The following MDGA1 variants were observed in gnomAD, a reference collection of about 807,000 sequenced individuals.
The protein encoded by MDGA1 is MAM domain containing glycosylphosphatidylinositol anchor 1, also known as MAM domain-containing glycosylphosphatidylinositol anchor protein 1.
A neutral mutation model predicts 101.5 loss-of-function variants in MDGA1; 54 were observed. The ratio of observed to expected loss-of-function variants is 0.53; its 90% confidence interval spans 0.43 to 0.67. The LOEUF (loss-of-function observed/expected upper bound fraction) is 0.67. MDGA1 is among the 30% of genes least tolerant of loss of function. MDGA1 has a pLI of 0.00. For missense variants in MDGA1, 1,083 were observed against 1,323.8 expected, an observed-to-expected ratio of 0.82 and a Z score of 2.82; for synonymous variants, 533 against 558.3, an observed-to-expected ratio of 0.95 and a Z score of 0.64.
At chr6:37,681,323 GC>G (rs879478854) in intron 1 of MDGA1, among the ~76,000 whole-genome samples, 1 of 152,040 alleles carries the variant, frequency 6.6e-6, no homozygotes, top group Non-Finnish European at 1.5e-5. Flanking sequence ...GCCTGCCCCT[GC>G]CCCCCCTCTT....
chr6:37,672,476 C>T (rs1298769568), intron 1 of MDGA1, among the ~76,000 whole-genome samples: 1 of 152,174 alleles, frequency 6.6e-6, no homozygotes, highest in Non-Finnish European at 1.5e-5. Context: ...ATGAAGAGGA[C>T]TGTTGCCCTC....
At chr6:37,693,298 T>G (rs1762352272) in intron 1 of MDGA1, among the ~76,000 whole-genome samples, 1 of 152,174 alleles carries the variant, frequency 6.6e-6, no homozygotes, top group Non-Finnish European at 1.5e-5. Context: ...CTTCCTGAAA[T>G]TCCTTCTCCG....
chr6:37,677,443 C>G (rs767754589), intron 1 of MDGA1, among the ~76,000 whole-genome samples: 5 of 152,158 alleles, frequency 3.3e-5, no homozygotes, highest in Admixed American at 1.3e-4. Context: ...TACCCAAATG[C>G]TCGGCAGCAG....
chr6:37,693,008 A>G (rs545739492), intron 1 of MDGA1, among the ~76,000 whole-genome samples: 1 of 152,338 alleles, frequency 6.6e-6, no homozygotes, highest in Non-Finnish European at 1.5e-5. Flanking sequence ...CACACTGGCT[A>G]AAGGGCCAAA....
rs755976577 is a variant in MDGA1 at position 37,650,091 on chromosome 6, G to A, written c.1609+18C>T. 1 of 1,611,176 alleles carries A rather than the reference G, an allele frequency of 6.2e-7. No homozygotes were observed. The highest frequency in any genetic ancestry group is 1.7e-5 in the Admixed American group (1 of 59,978). Reference sequence around the variant, plus strand: ...AAGGAAAGCTGGGAAGGTAGTCCGGGTGGCGTGGTGGACTCACACTGCACG... The same window carrying A: ...AAGGAAAGCTGGGAAGGTAGTCCGGATGGCGTGGTGGACTCACACTGCACG... On this transcript the variant is annotated intron_variant, in intron 8 of 16. Transcript: ENST00000434837.
chr6:37,678,799 G>GC (rs985668852), intron 1 of MDGA1, among the ~76,000 whole-genome samples: 2 of 131,690 alleles, frequency 1.5e-5, no homozygotes, highest in Admixed American at 1.6e-4. Context: ...CAGCCCGCCC[G>GC]CCCCCACCTC....
chr6:37,647,626 G>A (rs1378076801), intron 9 of MDGA1, among the ~76,000 whole-genome samples: 1 of 151,844 alleles, frequency 6.6e-6, no homozygotes, highest in South Asian at 2.1e-4. Flanking sequence ...AATTTAGGAA[G>A]ACACAGAAAA....
At position 37,697,118 on chromosome 6, in the gene MDGA1, C is replaced by T. The variant is rs1762439222; in HGVS notation, c.-307G>A. On this transcript the variant is annotated 5_prime_UTR_variant, in exon 1 of 17. Transcript: ENST00000434837. ...CCGGCCGCCGAGCCGCCCCGGGTAC[C>T]CAGGGCCGTCCGCGCGGGATGCTAG... is the stretch of plus-strand genomic sequence containing the variant. 3.7e-6 allele frequency: 1 copy of T among 268,140 alleles called. No individual in the cohort carries two copies. The highest frequency in any genetic ancestry group is 1.7e-4 in the South Asian group (1 of 5,960). 16.6% of individuals were successfully genotyped at this position (268,140 alleles called of 1,614,324 possible). A position where few individuals can be genotyped will look rare whatever the true frequency, so the allele number is the denominator to read the frequency against.
At position 37,696,454 on chromosome 6, in the gene MDGA1, G is replaced by C. The variant is rs531519780; in HGVS notation, c.67+291C>G. On this transcript the variant is annotated intron_variant, in intron 1 of 16. Transcript: ENST00000434837. The surrounding 1 kb of genome is among the most constrained non-coding windows in gnomAD (Gnocchi z 5.6). ...TAGACTGGGTCTGTCCGGGTCTCCC[G>C]AGCCGACCGGGTGCTCTCAAGGGTT... Among the ~76,000 whole-genome samples the C allele has an allele frequency of 6.6e-5, 10 of 152,300 alleles. No homozygotes were observed. In the East Asian group the frequency reaches 1.9e-3, roughly 29 times the overall value.
intron 2 of MDGA1, among the ~76,000 whole-genome samples, chr6:37,659,037 G>A (rs1761562640): frequency 6.6e-6 from 1 of 151,472 alleles, no homozygotes; most frequent in African/African-American, 2.4e-5. Context: ...CCAGCTGTCA[G>A]GTCCTGAGCC....
chr6:37,650,308 C>G lies in MDGA1; in HGVS notation c.1410G>C (p.Arg470=). The G allele has an allele frequency of 6.3e-7, 1 of 1,595,296 alleles. No individual in the cohort carries two copies. Among genetic ancestry groups the G allele is most frequent in the Non-Finnish European group, 8.5e-7 (1 of 1,173,216 alleles). Residue 470 remains arginine, a synonymous_variant, in exon 8 of 17, where the codon CGG becomes CGC. Transcript: ENST00000434837. ...CCACGCGGGACCAGAGCACTGGCGG[C>G]CGCGGCTTGCCCCGCACCTCGCATT... ...ELQCEVRGKP[R]PPVLWSRVDK... is the part of the protein sequence containing the mutation.
chr6:37,636,520 G>A lies in MDGA1; in HGVS notation c.*848C>T, dbSNP rs11752171. On this transcript the variant is annotated 3_prime_UTR_variant, in exon 17 of 17. Coordinates refer to ENST00000434837, the MANE Select transcript of MDGA1 (RefSeq NM_153487.4). ...CACCCCAGAAAATGGGCTGGCCACC[G>A]CTCCCCCAGCTCCTCTGAGACCCAG... 0.098 allele frequency: 14,902 copies of A among 152,206 alleles called. 1,118 individuals are homozygous for A. The highest frequency in any genetic ancestry group is 0.41 in the East Asian group (2,094 of 5,160). The allele number at this position is 152,206 out of a possible 1,614,324, so 9.4% of individuals were successfully genotyped here. A position where few individuals can be genotyped will look rare whatever the true frequency, so the allele number is the denominator to read the frequency against.
intron 2 of MDGA1, among the ~76,000 whole-genome samples, chr6:37,659,176 T>C (rs1761565572): frequency 6.6e-6 from 1 of 152,130 alleles, no homozygotes; most frequent in African/African-American, 2.4e-5. Flanking sequence ...ACAGCTGGAT[T>C]GCAGCCTTGT....
chr6:37,667,555 C>T lies in MDGA1; in HGVS notation c.68-3449G>A, dbSNP rs149630179. 1.7e-3 allele frequency among the ~76,000 whole-genome samples: 253 copies of T among 152,278 alleles called. 1 individual carries two copies. Among genetic ancestry groups the T allele is most frequent in the Non-Finnish European group, 3.1e-3 (208 of 68,022 alleles). On this transcript the variant is annotated intron_variant, in intron 1 of 16. Transcript: ENST00000434837. ...AAATGCATGAACATCTTTCACGATACGTGAAAGAGATAGCCATCTGTGGCC... is the reference window on the plus strand; with the variant it reads ...AAATGCATGAACATCTTTCACGATATGTGAAAGAGATAGCCATCTGTGGCC...
intron 3 of MDGA1, among the ~76,000 whole-genome samples, chr6:37,656,102 A>G (rs369882849): frequency 6.8e-6 from 1 of 147,816 alleles, no homozygotes; most frequent in Non-Finnish European, 1.5e-5. Flanking sequence ...CTTTTGAGAC[A>G]GAGTCTTGCT....
intron 1 of MDGA1, among the ~76,000 whole-genome samples, chr6:37,667,041 C>T (rs1480540719): frequency 2.0e-5 from 3 of 151,952 alleles, no homozygotes; most frequent in African/African-American, 7.2e-5. Context: ...TTAGTAGAGT[C>T]GTAATGTGTT....
In MDGA1 at chr6:37,638,923, A is replaced by T; in HGVS notation, c.2537-256T>A. 1 of 428,820 alleles carries T rather than the reference A, an allele frequency of 2.3e-6. No homozygotes were observed. Among genetic ancestry groups the T allele is most frequent in the Non-Finnish European group, 4.3e-6 (1 of 230,206 alleles). 26.6% of individuals were successfully genotyped at this position (428,820 alleles called of 1,614,324 possible). A position where few individuals can be genotyped will look rare whatever the true frequency, so the allele number is the denominator to read the frequency against. ...TCTTTCATTTCTTTCCTGCCCTGCT[A>T]ATCAGCTAATCTCCCCAACCCCAAA... On this transcript the variant is annotated intron_variant, in intron 14 of 16. Coordinates refer to ENST00000434837, the MANE Select transcript of MDGA1 (RefSeq NM_153487.4). This position sits in a 1 kb window ranked among gnomAD's most constrained non-coding sequence, Gnocchi z 4.8.
intron 7 of MDGA1, among the ~76,000 whole-genome samples, chr6:37,651,535 G>A (rs1380756348): frequency 1.3e-5 from 2 of 151,794 alleles, no homozygotes; most frequent in South Asian, 2.1e-4. Context: ...TTATTTTTCC[G>A]GGCCCTTAAG....
At chr6:37,648,712 C>T in intron 9 of MDGA1, 1 of 563,930 alleles carries the variant, frequency 1.8e-6, no homozygotes, top group Non-Finnish European at 3.0e-6. Flanking sequence ...AAGGCGAAGG[C>T]CTCAACCTCA....
Sources: allele counts gnomAD v4.1 joint callset (sites outside exome capture counted in the v4.1 genomes callset), GRCh38; gene constraint gnomAD v4.1.1; non-coding constraint Gnocchi (gnomAD v3.1); transcripts MANE v1.5; gene names NCBI Gene and HGNC (gene_info 2026-07-23, HGNC 2026-07-21).